The following MYLK variants were observed in gnomAD, a reference collection of about 807,000 sequenced individuals.
MYLK encodes the protein myosin light chain kinase, also known as myosin light chain kinase, smooth muscle.
MYLK carries 106 observed loss-of-function variants against 203.4 expected under a neutral mutation model. That is an observed-to-expected ratio of 0.52 (90% CI 0.45 to 0.61). The LOEUF (loss-of-function observed/expected upper bound fraction) is 0.61, where lower values mean the gene tolerates loss of function less well. Ranked by LOEUF, MYLK falls within the 20% of genes least tolerant of loss-of-function variation. The pLI, the probability that MYLK is intolerant of heterozygous loss-of-function variation, is 0.00. For synonymous variants in MYLK, 867 were observed against 959.5 expected (o/e 0.90, Z 1.78); for missense variants, 2,072 against 2,442.3 (o/e 0.85, Z 3.20).
chr3:123,665,094 C>T (rs1044170991), intron 22 of MYLK, among the ~76,000 whole-genome samples: 4 of 152,192 alleles, frequency 2.6e-5, no homozygotes, highest in African/African-American at 7.2e-5. Context: ...GAAGTGTACA[C>T]TTCAAGAGGG....
intron 4 of MYLK, among the ~76,000 whole-genome samples, chr3:123,756,339 G>T (rs962992999): frequency 6.6e-6 from 1 of 152,152 alleles, no homozygotes; most frequent in Non-Finnish European, 1.5e-5. Context: ...CAAGTCTTGG[G>T]CTATTCCCTT....
In MYLK at chr3:123,614,029, T is replaced by TGAG; in HGVS notation, c.*75_*76insCTC. 2 of 511,198 alleles carry TGAG rather than the reference T, an allele frequency of 3.9e-6. No individual in the cohort carries two copies. Among genetic ancestry groups the TGAG allele is most frequent in the East Asian group, 2.5e-4 (2 of 8,118 alleles). The allele number at this position is 511,198 out of a possible 1,614,324, so 31.7% of individuals were successfully genotyped here. The stretch of plus-strand genomic sequence containing the variant: ...CACTAGGTGCTTTTACTATCTTGAG[T>TGAG]TTTTTTTTTTTTTTTGAGTTTTAGA... On this transcript the variant is annotated 3_prime_UTR_variant, in exon 34 of 34. Coordinates refer to ENST00000360304, the MANE Select transcript of MYLK (RefSeq NM_053025.4).
At chr3:123,767,544 T>C (rs2063745602) in intron 4 of MYLK, among the ~76,000 whole-genome samples, 1 of 152,100 alleles carries the variant, frequency 6.6e-6, no homozygotes, top group South Asian at 2.1e-4. Flanking sequence ...GAGGTGGAGG[T>C]TGCAGTGAGC....
At chr3:123,664,325 C>T in intron 22 of MYLK, 67 bp from the exon 23 acceptor site, 2 of 1,594,320 alleles carry the variant, frequency 1.3e-6, no homozygotes, top group South Asian at 2.2e-5. Flanking sequence ...AAGGGGGCTC[C>T]TCCCCATTCC....
At chr3:123,622,460 A>C (rs1394232071) in intron 31 of MYLK, 1 of 152,332 alleles carries the variant, frequency 6.6e-6, no homozygotes, top group Middle Eastern at 3.4e-3. Flanking sequence ...TGGGCTCCCC[A>C]ATTCCAGACA....
rs1317825096 is a variant in MYLK, at chr3:123,629,910, C to T, written c.4962-284G>A. 2.2e-6 allele frequency: 1 copy of T among 450,730 alleles called. No individual in the cohort carries two copies. Among genetic ancestry groups the T allele is most frequent in the East Asian group, 4.4e-5 (1 of 22,984 alleles). The allele number at this position is 450,730 out of a possible 1,614,324, so 27.9% of individuals were successfully genotyped here. On this transcript the variant is annotated intron_variant, in intron 29 of 33. Transcript: ENST00000360304. The surrounding 1 kb of genome is among the most constrained non-coding windows in gnomAD (Gnocchi z 4.4). ...GGCTTCTGCAGGGTACGCGGCAGGGCTGATAAGTCCCTCTGTCCTGGTTTT... is the reference window on the plus strand; with the variant it reads ...GGCTTCTGCAGGGTACGCGGCAGGGTTGATAAGTCCCTCTGTCCTGGTTTT...
At chr3:123,709,624 G>T in intron 14 of MYLK, 132 bp downstream of exon 14, 1 of 1,149,420 alleles carries the variant, frequency 8.7e-7, no homozygotes, top group Non-Finnish European at 1.3e-6. Context: ...CCATTTCTTT[G>T]GGTCCATCAC....
intron 4 of MYLK, among the ~76,000 whole-genome samples, chr3:123,786,031 A>G (rs9840428): frequency 0.98 from 149,271 of 152,196 alleles, 73,265 homozygotes; most frequent in Middle Eastern, 1. Context: ...GGCCGGGCAC[A>G]GTGGCTCACG....
rs997067837 is a variant in MYLK at position 123,666,454 on chromosome 3, G to A, written c.3704-108C>T. The A allele has an allele frequency of 9.6e-5, 142 of 1,484,472 alleles. 1 individual carries two copies. The East Asian group carries it at 2.0e-3, about 21-fold the overall frequency. The allele number at this position is 1,484,472 out of a possible 1,614,324, so 92.0% of individuals were successfully genotyped here. On this transcript the variant is annotated intron_variant, in intron 21 of 33. Coordinates refer to ENST00000360304, the MANE Select transcript of MYLK (RefSeq NM_053025.4). ...TCTGTTGGCTTCTCTCTTGGCTTCC[G>A]GAACCTTCAGGGTAAGACTGAGGGG...
chr3:123,657,074 GGTCA>G (rs1299603725), intron 24 of MYLK, 48 bp downstream of exon 24: 2 of 1,590,568 alleles, frequency 1.3e-6, no homozygotes, highest in African/African-American at 2.7e-5. Flanking sequence ...ACATACACAA[GGTCA>G]GTCACGCACA....
intron 19 of MYLK, among the ~76,000 whole-genome samples, chr3:123,690,217 T>C (rs2060608889): frequency 6.6e-6 from 1 of 152,330 alleles, no homozygotes; most frequent in South Asian, 2.1e-4. Flanking sequence ...GGGTGGGCAG[T>C]TGCAGCTGGA....
intron 5 of MYLK, among the ~76,000 whole-genome samples, chr3:123,750,409 T>C (rs2063156730): frequency 1.3e-5 from 2 of 152,134 alleles, no homozygotes; most frequent in African/African-American, 2.4e-5. Flanking sequence ...CTACTAAAAA[T>C]TTTCCTGCTT....
chr3:123,640,560 G>C lies in MYLK; in HGVS notation c.4620-56C>G. 6.3e-7 allele frequency: 1 copy of C among 1,588,342 alleles called. No homozygotes were observed. On this transcript the variant is annotated intron_variant, in intron 27 of 33. Coordinates refer to ENST00000360304, the MANE Select transcript of MYLK (RefSeq NM_053025.4). This position sits in a 1 kb window ranked among gnomAD's most constrained non-coding sequence, Gnocchi z 4.3. The stretch of plus-strand genomic sequence containing the variant: ...CCACAGGCTCATGGAGGCCAGGCTG[G>C]CAGGGAGTCTGGCCAGGGTAGGCTG...
intron 24 of MYLK, among the ~76,000 whole-genome samples, 173 bp from the exon 25 acceptor site, chr3:123,649,367 G>T (rs554098277): frequency 6.6e-6 from 1 of 152,218 alleles, no homozygotes; most frequent in East Asian, 1.9e-4. Context: ...AGCAAATAGG[G>T]CCCAGTGCAG....
At chr3:123,725,419 G>A (rs936680156) in intron 12 of MYLK, among the ~76,000 whole-genome samples, 6 of 152,134 alleles carry the variant, frequency 3.9e-5, no homozygotes, top group Non-Finnish European at 8.8e-5. Context: ...AAAAAGAGTT[G>A]GCGAGTCTCT....
intron 5 of MYLK, among the ~76,000 whole-genome samples, chr3:123,748,036 G>A (rs1378814): frequency 0.98 from 149,101 of 152,304 alleles, 73,072 homozygotes; most frequent in Middle Eastern, 1. Flanking sequence ...TAATTTACAT[G>A]GAAAAGAGGT....
rs1417208178 is a variant in MYLK at position 123,737,530 on chromosome 3, A to T, written c.602T>A (p.Leu201Gln). 6.2e-7 allele frequency: 1 copy of T among 1,614,184 alleles called. No homozygotes were observed. Among genetic ancestry groups the T allele is most frequent in the South Asian group, 1.1e-5 (1 of 91,074 alleles). The change falls in exon 8 of 34, where the codon CTG becomes CAG. Residue 201 changes from leucine (L) to glutamine (Q), a missense_variant. By Grantham distance (113) the Leu-to-Gln change is moderately radical (BLOSUM62 -2). Around this residue, in one of 3 missense-constraint regions of MYLK, gnomAD observed 683 missense variants for 643.8 expected, o/e 1.06. Coordinates refer to ENST00000360304, the MANE Select transcript of MYLK (RefSeq NM_053025.4). Reference protein sequence around the residue: ...QVTWLKGNVPLQPSARVSVSE... With the variant: ...QVTWLKGNVPQQPSARVSVSE... ...CACAGACACACGGGCACTCGGCTGC[A>T]GTGGAACATTTCCCTGTGGATGGCA...
intron 19 of MYLK, among the ~76,000 whole-genome samples, chr3:123,690,663 A>G (rs1406096425): frequency 1.3e-5 from 2 of 152,226 alleles, no homozygotes; most frequent in Non-Finnish European, 2.9e-5. Context: ...TATATCTGTA[A>G]GTATAGCAAC....
intron 3 of MYLK, among the ~76,000 whole-genome samples, chr3:123,820,644 C>CCTTCCCTCCTTCCTTCCT (rs1560259887): frequency 3.8e-5 from 1 of 26,066 alleles, no homozygotes; most frequent in Non-Finnish European, 1.0e-4. Context: ...CCTTCCTTCC[C>CCTTCCCTCCTTCCTTCCT]TCCTTCCTTC....
Sources: allele counts gnomAD v4.1 joint callset (sites outside exome capture counted in the v4.1 genomes callset), GRCh38; gene constraint gnomAD v4.1.1; regional missense constraint gnomAD v4.1.1; non-coding constraint Gnocchi (gnomAD v3.1); transcripts MANE v1.5; gene names NCBI Gene and HGNC (gene_info 2026-07-23, HGNC 2026-07-21).